The following RSRC1 variants were observed in gnomAD, a reference collection of about 807,000 sequenced individuals.
RSRC1 encodes the protein arginine and serine rich coiled-coil 1, also known as serine/Arginine-related protein 53.
In RSRC1, 39 loss-of-function variants were observed where a neutral mutation model predicts 49.1. The ratio of observed to expected loss-of-function variants is 0.79; its 90% CI spans 0.61 to 1.04. The LOEUF (loss-of-function observed/expected upper bound fraction) is 1.04, where lower values mean the gene tolerates loss of function less well. RSRC1 is among the 50% of genes least tolerant of loss of function. The pLI, the probability that RSRC1 is intolerant of heterozygous loss-of-function variation, is 0.00. For synonymous variants in RSRC1, 143 were observed against 130.8 expected (o/e 1.09, Z -0.63); for missense variants, 388 against 402.4 (o/e 0.96, Z 0.31).
At chr3:158,531,517 A>G (rs1712399385) in intron 7 of RSRC1, among the ~76,000 whole-genome samples, 1 of 151,900 alleles carries the variant, frequency 6.6e-6, no homozygotes, top group African/African-American at 2.4e-5. Flanking sequence ...TTTGTCTTGG[A>G]TCCCGTCCAA....
chr3:158,440,068 G>A (rs1033391464), intron 6 of RSRC1, among the ~76,000 whole-genome samples: 1 of 152,052 alleles, frequency 6.6e-6, no homozygotes, highest in African/African-American at 2.4e-5. Context: ...AACTACCATG[G>A]CACGTGTATA....
At chr3:158,370,643 C>T (rs1214057299) in intron 6 of RSRC1, among the ~76,000 whole-genome samples, 1 of 151,604 alleles carries the variant, frequency 6.6e-6, no homozygotes, top group Admixed American at 6.6e-5. Context: ...TTTGTTTATT[C>T]ATTCAGCAGT....
In RSRC1 at chr3:158,245,012, T is replaced by C; in HGVS notation, c.494+41767T>C. ...TTGTAGATTTTTCAAAGGTTTTTTT[T>C]TTTTTTTCTGTCTCTGTCTCCTTCA... On this transcript the variant is annotated intron_variant, in intron 4 of 9. Transcript: ENST00000611884. 2.0e-5 allele frequency among the ~76,000 whole-genome samples: 3 copies of C among 150,856 alleles called. 1 individual carries two copies. Among genetic ancestry groups the C allele is most frequent in the Admixed American group, 2.0e-4 (3 of 15,096 alleles).
At chr3:158,278,464 A>C (rs1022601446) in intron 4 of RSRC1, among the ~76,000 whole-genome samples, 5 of 152,152 alleles carry the variant, frequency 3.3e-5, no homozygotes, top group Non-Finnish European at 7.4e-5. Context: ...CTCATGTTCT[A>C]TGCATAATTT....
intron 4 of RSRC1, among the ~76,000 whole-genome samples, chr3:158,236,683 G>A (rs1313292790): frequency 6.6e-6 from 1 of 152,158 alleles, no homozygotes; most frequent in Non-Finnish European, 1.5e-5. Flanking sequence ...TCCATTGAAT[G>A]AATGAACCAC....
intron 7 of RSRC1, among the ~76,000 whole-genome samples, chr3:158,479,114 CAAAT>C (rs974749062): frequency 1.3e-5 from 2 of 150,712 alleles, no homozygotes; most frequent in African/African-American, 4.9e-5. Flanking sequence ...GAGAGCATAC[CAAAT>C]AAATAAAATA....
chr3:158,300,472 A>T (rs1185950905), intron 5 of RSRC1, among the ~76,000 whole-genome samples: 1 of 152,124 alleles, frequency 6.6e-6, no homozygotes, highest in African/African-American at 2.4e-5. Context: ...ATGGAGCTAA[A>T]CTCACAATTT....
chr3:158,128,549 T>G (rs1715784132), intron 3 of RSRC1, among the ~76,000 whole-genome samples: 1 of 152,182 alleles, frequency 6.6e-6, no homozygotes, highest in Admixed American at 6.5e-5. Context: ...AATTTTAGAC[T>G]AACAGAAAAG....
At chr3:158,343,316 T>C (rs986568610) in intron 5 of RSRC1, among the ~76,000 whole-genome samples, 1 of 152,184 alleles carries the variant, frequency 6.6e-6, no homozygotes, top group African/African-American at 2.4e-5. Flanking sequence ...CCAAGTACTT[T>C]AACTGTGTCC....
intron 4 of RSRC1, among the ~76,000 whole-genome samples, chr3:158,209,326 C>CT (rs1347332898): frequency 6.6e-6 from 1 of 152,090 alleles, no homozygotes; most frequent in African/African-American, 2.4e-5. Context: ...CCTACGTGCT[C>CT]TTTGCCTTTC....
intron 7 of RSRC1, among the ~76,000 whole-genome samples, chr3:158,508,156 G>A (rs1448521087): frequency 6.6e-6 from 1 of 152,038 alleles, no homozygotes; most frequent in Admixed American, 6.6e-5. Flanking sequence ...AAAAAATTTA[G>A]TCTTTCAATG....
At chr3:158,145,229 T>G (rs1395241671) in intron 3 of RSRC1, among the ~76,000 whole-genome samples, 1 of 152,228 alleles carries the variant, frequency 6.6e-6, no homozygotes, top group Admixed American at 6.5e-5. Flanking sequence ...TGAATGGTAT[T>G]GCCTAGGTTT....
At chr3:158,418,134 C>T (rs1734845940) in intron 6 of RSRC1, among the ~76,000 whole-genome samples, 1 of 151,974 alleles carries the variant, frequency 6.6e-6, no homozygotes, top group Admixed American at 6.6e-5. Flanking sequence ...TCATCATGAT[C>T]ATTATCATCA....
chr3:158,113,154 A>G (rs1714526633), intron 1 of RSRC1, among the ~76,000 whole-genome samples: 1 of 152,202 alleles, frequency 6.6e-6, no homozygotes, highest in Admixed American at 6.5e-5. Flanking sequence ...CTTTGGATAT[A>G]TACCCAGTAA....
intron 4 of RSRC1, among the ~76,000 whole-genome samples, chr3:158,271,813 T>C (rs1725533110): frequency 6.6e-6 from 1 of 152,104 alleles, no homozygotes; most frequent in Non-Finnish European, 1.5e-5. Flanking sequence ...ACAACAAGAA[T>C]TAAATATGAA....
chr3:158,330,390 A>T (rs1729476204), intron 5 of RSRC1, among the ~76,000 whole-genome samples: 1 of 152,190 alleles, frequency 6.6e-6, no homozygotes, highest in Non-Finnish European at 1.5e-5. Context: ...AGATTTTTGT[A>T]CGTATCTTAA....
chr3:158,261,402 A>G (rs1041166671), intron 4 of RSRC1, among the ~76,000 whole-genome samples: 2 of 152,142 alleles, frequency 1.3e-5, no homozygotes, highest in African/African-American at 2.4e-5. Context: ...TTTCACCTAT[A>G]TATATATTCC....
chr3:158,320,796 C>T lies in RSRC1; in HGVS notation c.531+22721C>T, dbSNP rs115881724. On this transcript the variant is annotated intron_variant, in intron 5 of 9. Coordinates refer to ENST00000611884, the MANE Select transcript of RSRC1 (RefSeq NM_001271838.2). ...ATGTTCTCCTTATTCTAGCCCTTCC[C>T]GTCACCCAGATCTATCCCTCTGAAT... Among the ~76,000 whole-genome samples the T allele has an allele frequency of 7.8e-3, 1,184 of 152,234 alleles. 7 individuals are homozygous for T. Among genetic ancestry groups the T allele is most frequent in the Non-Finnish European group, 0.01 (709 of 67,996 alleles).
At chr3:158,137,813 C>G (rs1409534635) in intron 3 of RSRC1, among the ~76,000 whole-genome samples, 1 of 151,898 alleles carries the variant, frequency 6.6e-6, no homozygotes, top group African/African-American at 2.4e-5. Flanking sequence ...ACCACCATGC[C>G]TGGCTAATTT....
Sources: gnomAD v4.1 joint callset for allele counts (sites outside exome capture counted in the v4.1 genomes callset) on GRCh38, gnomAD v4.1.1 for gene constraint, MANE v1.5 for transcripts, NCBI Gene and HGNC (gene_info 2026-07-23, HGNC 2026-07-21) for gene names.